Variants in HMCN2 observed in about 807,000 individuals in gnomAD.
HMCN2 encodes hemicentin-2.
HMCN2 carries 325 observed loss-of-function variants against 377.5 expected under a neutral mutation model. That is an observed-to-expected ratio of 0.86 (90% CI 0.79 to 0.94). The LOEUF (loss-of-function observed/expected upper bound fraction) is 0.94. HMCN2 is among the 40% of genes least tolerant of loss of function. The pLI, the probability that HMCN2 is intolerant of heterozygous loss-of-function variation, is 0.00. For missense variants in HMCN2, 4,543 were observed against 4,725.3 expected (o/e 0.96, Z 1.13); for synonymous variants, 2,007 against 2,046.8 (o/e 0.98, Z 0.53).
In HMCN2 at chr9:130,429,540, A is replaced by G; in HGVS notation, c.14198-17A>G. On this transcript the variant is annotated splice_polypyrimidine_tract_variant and intron_variant, in intron 93 of 97. Coordinates refer to ENST00000683500, the MANE Select transcript of HMCN2 (RefSeq NM_001291815.2). ...GGGCTAGACCTCCCCACCACCGACCATGCCCCTGCCTCCCAGATGTGGACG... is the reference window on the plus strand; with the variant it reads ...GGGCTAGACCTCCCCACCACCGACCGTGCCCCTGCCTCCCAGATGTGGACG... The G allele has an allele frequency of 6.5e-7, 1 of 1,550,114 alleles. No individual in the cohort carries two copies.
chr9:130,398,616 C>T lies in HMCN2; in HGVS notation c.11392C>T (p.Pro3798Ser). The change falls in exon 75 of 98, where the codon CCC (proline) becomes TCC (serine). Residue 3798 changes from proline (P) to serine (S), a missense_variant. Transcript: ENST00000683500. ...GACCGCCCACACCCCAGCCTTGCTG[C>T]CCTGCGAGGCCAGCGGCTCCCCTAA... ...TLTAHTPALL[P>S]CEASGSPKPL... The T allele has an allele frequency of 7.8e-7, 1 of 1,287,692 alleles. No homozygotes were observed. Among genetic ancestry groups the T allele is most frequent in the Non-Finnish European group, 1.0e-6 (1 of 987,336 alleles). 79.8% of individuals were successfully genotyped at this position (1,287,692 alleles called of 1,614,324 possible). A position where few individuals can be genotyped will look rare whatever the true frequency, so the allele number is the denominator to read the frequency against.
chr9:130,399,625 C>T lies in HMCN2; in HGVS notation c.11598C>T (p.Thr3866=), dbSNP rs756989779. 1.6e-5 allele frequency: 21 copies of T among 1,289,306 alleles called. No homozygotes were observed. Among genetic ancestry groups the T allele is most frequent in the Admixed American group, 1.6e-4 (7 of 43,566 alleles). The allele number at this position is 1,289,306 out of a possible 1,614,324, so 79.9% of individuals were successfully genotyped here. A position where few individuals can be genotyped will look rare whatever the true frequency, so the allele number is the denominator to read the frequency against. The part of the protein sequence containing the change: ...VGEAHRLYQV[T]VHVPPTIADD... ...AGGCCCACAGGCTCTACCAGGTGAC[C>T]GTCCATGGTGAGTCGGGGCAGAGGT... is the stretch of plus-strand genomic sequence containing the variant. Residue 3866 remains threonine (T), a synonymous_variant, in exon 76 of 98, where the codon ACC becomes ACT. Coordinates refer to ENST00000683500, the MANE Select transcript of HMCN2 (RefSeq NM_001291815.2).
intron 49 of HMCN2, 61 bp from the exon 50 acceptor site, chr9:130,375,502 G>C: frequency 2.1e-6 from 2 of 944,698 alleles, no homozygotes; most frequent in Non-Finnish European, 2.5e-6. Flanking sequence ...AGGCTTTCCT[G>C]GTCCTTAGTC....
At chr9:130,383,248 G>A (rs1841826664) in intron 56 of HMCN2, among the ~76,000 whole-genome samples, 1 of 136,854 alleles carries the variant, frequency 7.3e-6, no homozygotes, top group Non-Finnish European at 1.6e-5. Context: ...AACACACACA[G>A]CACGGCCCTC....
In HMCN2 at chr9:130,400,902, G is replaced by T; in HGVS notation, c.11725G>T (p.Ala3909Ser). ...APTVSWSKAG[A>S]QLGARGSGYR... Reference sequence around the variant, plus strand: ...GACCGTGTCCTGGAGCAAGGCAGGCGCCCAGCTAGGAGCTCGGGGGAGTGG... The same window carrying T: ...GACCGTGTCCTGGAGCAAGGCAGGCTCCCAGCTAGGAGCTCGGGGGAGTGG... The change falls in exon 77 of 98, where the codon GCC becomes TCC. Residue 3909 changes from alanine to serine, a missense_variant. Physicochemically the swap from Ala to Ser is moderately conservative, Grantham distance 99. This residue lies in a region of HMCN2 where 1,073 missense variants were observed against 1,319.5 expected (regional missense o/e 0.81). Coordinates refer to ENST00000683500, the MANE Select transcript of HMCN2 (RefSeq NM_001291815.2). The T allele has an allele frequency of 7.8e-7, 1 of 1,289,410 alleles. No individual in the cohort carries two copies. The highest frequency in any genetic ancestry group is 1.0e-6 in the Non-Finnish European group (1 of 988,702). 79.9% of individuals were successfully genotyped at this position (1,289,410 alleles called of 1,614,324 possible).
intron 1 of HMCN2, 113 bp downstream of exon 1, chr9:130,266,250 T>C (rs1244423028): frequency 2.8e-6 from 1 of 357,026 alleles, no homozygotes; most frequent in African/African-American, 2.2e-5. Flanking sequence ...CGCCGCGGCT[T>C]GGCGGGCGCG....
chr9:130,409,178 T>C (rs974343914), intron 84 of HMCN2, among the ~76,000 whole-genome samples: 2 of 152,198 alleles, frequency 1.3e-5, no homozygotes, highest in Non-Finnish European at 2.9e-5. Context: ...GGATTGTAAT[T>C]AGAAATCAGT....
In HMCN2 at chr9:130,349,053, G is replaced by A; in HGVS notation, c.4225G>A (p.Gly1409Ser). The change falls in exon 28 of 98, where the codon GGT (glycine) becomes AGT (serine). Residue 1409 changes from glycine (G) to serine (S), a missense_variant. Gly to Ser is a moderately conservative substitution (Grantham distance 56). Coordinates refer to ENST00000683500, the MANE Select transcript of HMCN2 (RefSeq NM_001291815.2). Reference protein sequence around the residue: ...QSLHFPRIQEGDSGLYSCRAE... With the variant: ...QSLHFPRIQESDSGLYSCRAE... ...CCTCCACTTCCCCAGGATCCAGGAG[G>A]GTGATTCTGGGCTCTACTCCTGCCG... 4 of 1,304,250 alleles carry A rather than the reference G, an allele frequency of 3.1e-6. No homozygotes were observed. The highest frequency in any genetic ancestry group is 4.0e-6 in the Non-Finnish European group (4 of 988,930). 80.8% of individuals were successfully genotyped at this position (1,304,250 alleles called of 1,614,324 possible).
intron 15 of HMCN2, among the ~76,000 whole-genome samples, chr9:130,312,815 G>A (rs879080401): frequency 0.16 from 24,512 of 150,830 alleles, 2,130 homozygotes; most frequent in Non-Finnish European, 0.19. Flanking sequence ...AGAGGCGTGC[G>A]TCACCATGCC....
intron 3 of HMCN2, among the ~76,000 whole-genome samples, chr9:130,285,829 G>A (rs930132670): frequency 1.6e-4 from 25 of 152,184 alleles, no homozygotes; most frequent in Admixed American, 1.3e-3. Flanking sequence ...CTGCCGCCAC[G>A]TCTAGAACTT....
intron 86 of HMCN2, among the ~76,000 whole-genome samples, chr9:130,420,594 G>A (rs1843951526): frequency 6.6e-6 from 1 of 152,048 alleles, no homozygotes; most frequent in South Asian, 2.1e-4. Context: ...GGTTTCTTCT[G>A]AACACTGTGG....
At chr9:130,285,093 T>A (rs1398021547) in intron 2 of HMCN2, 65 bp from the exon 3 acceptor site, 2 of 452,426 alleles carry the variant, frequency 4.4e-6, no homozygotes, top group Admixed American at 4.8e-5. Flanking sequence ...GTTTTGGAGA[T>A]GTCCCTGGGT....
intron 81 of HMCN2, among the ~76,000 whole-genome samples, chr9:130,405,431 C>T (rs1843046454): frequency 6.6e-6 from 1 of 152,304 alleles, no homozygotes; most frequent in South Asian, 2.1e-4. Context: ...ATGGGTGGGA[C>T]CCCCAACCTC....
At chr9:130,431,256 C>A in intron 95 of HMCN2, 111 bp from the exon 96 acceptor site, 1 of 1,103,322 alleles carries the variant, frequency 9.1e-7, no homozygotes, top group Non-Finnish European at 1.3e-6. Context: ...GGAGAAGGAG[C>A]AGGGCAGCTC....
In HMCN2 at chr9:130,427,480, A is replaced by G; in HGVS notation, c.13943-17A>G. On this transcript the variant is annotated splice_polypyrimidine_tract_variant and intron_variant, in intron 91 of 97. Transcript: ENST00000683500. ...AGGGCCTGGGAGCGGAGACCACCAGACCCCTTCCTGCCCCAGACAGGGACG... is the reference window on the plus strand; with the variant it reads ...AGGGCCTGGGAGCGGAGACCACCAGGCCCCTTCCTGCCCCAGACAGGGACG... 1.3e-6 allele frequency: 2 copies of G among 1,549,872 alleles called. No homozygotes were observed. Among genetic ancestry groups the G allele is most frequent in the Non-Finnish European group, 1.7e-6 (2 of 1,146,776 alleles).
rs1180549384 is a variant in HMCN2, at chr9:130,341,274, A to T, written c.3651A>T (p.Ala1217=). Residue 1217 remains alanine, a synonymous_variant, in exon 24 of 98, where the codon GCA becomes GCT. Coordinates refer to ENST00000683500, the MANE Select transcript of HMCN2 (RefSeq NM_001291815.2). ...GGCCTCAGGGCTCCGTCCACTTCGC[A>T]GCCATCAGAACCTCTGATGCCGGGA... is the stretch of plus-strand genomic sequence containing the variant. ...GRGPQGSVHF[A]AIRTSDAGRY... 6.6e-6 allele frequency: 1 copy of T among 152,250 alleles called. No homozygotes were observed. Among genetic ancestry groups the T allele is most frequent in the African/African-American group, 2.4e-5 (1 of 41,450 alleles). 9.4% of individuals were successfully genotyped at this position (152,250 alleles called of 1,614,324 possible). A position where few individuals can be genotyped will look rare whatever the true frequency, so the allele number is the denominator to read the frequency against.
At chr9:130,346,719 G>A (rs1839410932) in intron 25 of HMCN2, among the ~76,000 whole-genome samples, 1 of 152,134 alleles carries the variant, frequency 6.6e-6, no homozygotes. Context: ...AAAAAACAAA[G>A]AGCCTGGCCC....
At chr9:130,267,486 T>G (rs1834183126) in intron 1 of HMCN2, among the ~76,000 whole-genome samples, 1 of 147,814 alleles carries the variant, frequency 6.8e-6, no homozygotes. Context: ...ACGCACAGAT[T>G]CCTTGCTAAA....
At chr9:130,403,545 G>T (rs965418833) in intron 79 of HMCN2, among the ~76,000 whole-genome samples, 196 bp from the exon 80 acceptor site, 1 of 152,228 alleles carries the variant, frequency 6.6e-6, no homozygotes, top group Admixed American at 6.5e-5. Flanking sequence ...CGAGCACTCG[G>T]TGGCTGAGGT....
Sources: allele counts gnomAD v4.1 joint callset (sites outside exome capture counted in the v4.1 genomes callset), GRCh38; gene constraint gnomAD v4.1.1; regional missense constraint gnomAD v4.1.1; transcripts MANE v1.5; gene names NCBI Gene and HGNC (gene_info 2026-07-23, HGNC 2026-07-21).